Variants in SDCCAG8 observed in about 807,000 individuals in gnomAD.
SDCCAG8 encodes SHH signaling and ciliogenesis regulator SDCCAG8, also known as serologically defined colon cancer antigen 8.
SDCCAG8 carries 74 observed loss-of-function variants against 101.8 expected under a neutral mutation model. The ratio of observed to expected loss-of-function variants is 0.73; its 90% CI spans 0.60 to 0.88. The LOEUF (loss-of-function observed/expected upper bound fraction) is 0.88. Ranked by LOEUF, SDCCAG8 falls within the 40% of genes least tolerant of loss-of-function variation. The pLI is 0.00. For missense variants in SDCCAG8, 787 were observed against 822.6 expected (o/e 0.96, Z 0.53); for synonymous variants, 281 against 292.9 (o/e 0.96, Z 0.41).
intron 16 of SDCCAG8, among the ~76,000 whole-genome samples, chr1:243,486,537 T>G (rs1013844718): frequency 6.6e-6 from 1 of 152,100 alleles, no homozygotes; most frequent in Non-Finnish European, 1.5e-5. Flanking sequence ...GGACTAAACC[T>G]CCTCCAGGTT....
intron 4 of SDCCAG8, among the ~76,000 whole-genome samples, chr1:243,284,803 A>G (rs1487995369): frequency 6.6e-6 from 1 of 151,912 alleles, no homozygotes; most frequent in African/African-American, 2.4e-5. Context: ...ATTTTTTTCT[A>G]GTTTTTACTG....
rs1442643662 is a variant in SDCCAG8 at position 243,410,682 on chromosome 1, A to G, written c.1617-5020A>G. The stretch of plus-strand genomic sequence containing the variant: ...CAGGGTCATTGTTGAGCTAAATTTA[A>G]CATCATTAGAAAATGTACTTTAAAA... On this transcript the variant is annotated intron_variant, in intron 13 of 17. Coordinates refer to ENST00000366541, the MANE Select transcript of SDCCAG8 (RefSeq NM_006642.5). Among the ~76,000 whole-genome samples the G allele has an allele frequency of 3.3e-5, 5 of 152,166 alleles. No individual in the cohort carries two copies. In the East Asian group the frequency reaches 9.6e-4, roughly 29 times the overall value.
At chr1:243,388,122 T>C (rs1387756576) in intron 13 of SDCCAG8, among the ~76,000 whole-genome samples, 1 of 152,184 alleles carries the variant, frequency 6.6e-6, no homozygotes, top group Non-Finnish European at 1.5e-5. Context: ...AATTGATAAA[T>C]TTTTATAACT....
At chr1:243,392,730 C>T (rs775835105) in intron 13 of SDCCAG8, among the ~76,000 whole-genome samples, 3 of 152,180 alleles carry the variant, frequency 2.0e-5, no homozygotes, top group Non-Finnish European at 4.4e-5. Flanking sequence ...CGACAACTCA[C>T]GTAACTAATC....
At chr1:243,450,220 G>A (rs1046471053) in intron 16 of SDCCAG8, among the ~76,000 whole-genome samples, 2 of 152,196 alleles carry the variant, frequency 1.3e-5, no homozygotes, top group African/African-American at 4.8e-5. Flanking sequence ...GTGTATGGAA[G>A]TGTATTGAAT....
chr1:243,397,629 G>T (rs1350525199), intron 13 of SDCCAG8, among the ~76,000 whole-genome samples: 1 of 152,054 alleles, frequency 6.6e-6, no homozygotes, highest in East Asian at 1.9e-4. Context: ...TTGTTGTTTT[G>T]GATCTCTGTT....
At chr1:243,327,315 GAAATTA>G (rs2074230832) in intron 9 of SDCCAG8, among the ~76,000 whole-genome samples, 1 of 144,314 alleles carries the variant, frequency 6.9e-6, no homozygotes, top group Non-Finnish European at 1.5e-5. Flanking sequence ...TAATTTTATA[GAAATTA>G]AAATTATAAT....
At chr1:243,338,329 A>G (rs2075152169) in intron 10 of SDCCAG8, among the ~76,000 whole-genome samples, 1 of 152,206 alleles carries the variant, frequency 6.6e-6, no homozygotes, top group Non-Finnish European at 1.5e-5. Context: ...TAGTGCTAGA[A>G]CAAGAATCTC....
At chr1:243,329,424 C>T (rs1048848749) in intron 9 of SDCCAG8, among the ~76,000 whole-genome samples, 1 of 152,052 alleles carries the variant, frequency 6.6e-6, no homozygotes, top group African/African-American at 2.4e-5. Flanking sequence ...TAGCTTTCAC[C>T]AGAGGGAAGC....
rs190081595 is a variant in SDCCAG8, at chr1:243,421,026, A to G, written c.1853+2950A>G. On this transcript the variant is annotated intron_variant, in intron 15 of 17. Coordinates refer to ENST00000366541, the MANE Select transcript of SDCCAG8 (RefSeq NM_006642.5). ...TTCCCTGTGCTTTGAGGTAAGGAAA[A>G]TCTTGGAGTTTCTAAAGTTTTGTCA... is the stretch of plus-strand genomic sequence containing the variant. Among the ~76,000 whole-genome samples, 653 of 152,254 alleles carry G rather than the reference A, an allele frequency of 4.3e-3. 2 individuals are homozygous for G. Among genetic ancestry groups the G allele is most frequent in the Non-Finnish European group, 6.5e-3 (444 of 68,014 alleles).
At position 243,458,734 on chromosome 1, in the gene SDCCAG8, T is replaced by C. The variant is rs2148150168; in HGVS notation, c.1986-30280T>C. Among the ~76,000 whole-genome samples, 1 of 152,338 alleles carries C rather than the reference T, an allele frequency of 6.6e-6. No individual in the cohort carries two copies. Among genetic ancestry groups the C allele is most frequent in the Non-Finnish European group, 1.5e-5 (1 of 68,026 alleles). Reference sequence around the variant, plus strand: ...AATCTTAGCAATATTTTAGCTCCCATAATAGTAAAAATTTTTAGAAGCGCT... The same window carrying C: ...AATCTTAGCAATATTTTAGCTCCCACAATAGTAAAAATTTTTAGAAGCGCT... On this transcript the variant is annotated intron_variant, in intron 16 of 17. Transcript: ENST00000366541. This position sits in a 1 kb window ranked among gnomAD's most constrained non-coding sequence, Gnocchi z 4.5.
intron 6 of SDCCAG8, among the ~76,000 whole-genome samples, chr1:243,295,517 T>G (rs1403062742): frequency 1.3e-5 from 2 of 152,230 alleles, no homozygotes; most frequent in Admixed American, 6.5e-5. Context: ...ATTACAGGCA[T>G]GAGCCACTGT....
chr1:243,263,184 A>T (rs992174120), intron 1 of SDCCAG8, among the ~76,000 whole-genome samples: 5 of 152,108 alleles, frequency 3.3e-5, no homozygotes, highest in African/African-American at 1.2e-4. Flanking sequence ...TGTTTTATTG[A>T]TCTCGTTTTA....
intron 16 of SDCCAG8, among the ~76,000 whole-genome samples, chr1:243,462,164 C>G (rs1025122823): frequency 6.6e-6 from 1 of 152,116 alleles, no homozygotes; most frequent in South Asian, 2.1e-4. Flanking sequence ...GAGGCCAGGC[C>G]GAGGATTGAG....
At position 243,499,891 on chromosome 1, in the gene SDCCAG8, C is replaced by G; in HGVS notation, c.*106C>G. 9.3e-7 allele frequency: 1 copy of G among 1,077,872 alleles called. No homozygotes were observed. The highest frequency in any genetic ancestry group is 1.4e-6 in the Non-Finnish European group (1 of 713,208). The allele number at this position is 1,077,872 out of a possible 1,614,324, so 66.8% of individuals were successfully genotyped here. A position where few individuals can be genotyped will look rare whatever the true frequency, so the allele number is the denominator to read the frequency against. ...CACCACGACCTTCCCAGGGTGACACCGCCTCAGCCTGCAGTGGGGCTGGTC... is the reference window on the plus strand; with the variant it reads ...CACCACGACCTTCCCAGGGTGACACGGCCTCAGCCTGCAGTGGGGCTGGTC... On this transcript the variant is annotated 3_prime_UTR_variant, in exon 18 of 18. Transcript: ENST00000366541.
intron 16 of SDCCAG8, among the ~76,000 whole-genome samples, chr1:243,429,441 G>C (rs543933968): frequency 2.0e-5 from 3 of 152,128 alleles, no homozygotes; most frequent in African/African-American, 7.2e-5. Flanking sequence ...TGTACAGGGG[G>C]TTGATGCTCC....
chr1:243,417,978 G>A lies in SDCCAG8; in HGVS notation c.1755G>A (p.Gln585=), dbSNP rs1472982763. The stretch of plus-strand genomic sequence containing the variant: ...TATTGTTATTTCTAGAAAATGAACA[G>A]TATTTGTTGCTGACCTCCCAGAATA... The part of the protein sequence containing the change: ...EAQHDKTENE[Q]YLLLTSQNTF... The change falls in exon 15 of 18, where the codon CAG becomes CAA. Residue 585 remains glutamine, a synonymous_variant. Transcript: ENST00000366541. 6.2e-7 allele frequency: 1 copy of A among 1,608,320 alleles called. No homozygotes were observed. The highest frequency in any genetic ancestry group is 8.5e-7 in the Non-Finnish European group (1 of 1,174,990).
intron 1 of SDCCAG8, 111 bp from the exon 2 acceptor site, chr1:243,269,994 A>G (rs932838387): frequency 2.7e-5 from 39 of 1,470,448 alleles, no homozygotes; most frequent in Non-Finnish European, 3.3e-5. Context: ...CGTTTTTTCC[A>G]TAAAGTACGA....
At chr1:243,482,397 C>G (rs1663919122) in intron 16 of SDCCAG8, among the ~76,000 whole-genome samples, 1 of 152,192 alleles carries the variant, frequency 6.6e-6, no homozygotes, top group Non-Finnish European at 1.5e-5. Context: ...TTTAGAAACC[C>G]GGGCGTGTTT....
Sources: allele counts gnomAD v4.1 joint callset (sites outside exome capture counted in the v4.1 genomes callset), GRCh38; gene constraint gnomAD v4.1.1; non-coding constraint Gnocchi (gnomAD v3.1); transcripts MANE v1.5; gene names NCBI Gene and HGNC (gene_info 2026-07-23, HGNC 2026-07-21).